The following ACSL1 variants were observed in gnomAD, a reference collection of about 807,000 sequenced individuals.
The protein encoded by ACSL1 is long-chain-fatty-acid--CoA ligase 1.
Under a neutral mutation model 98.4 loss-of-function variants are expected in ACSL1, and 41 were observed. That is an observed-to-expected ratio of 0.42 (90% confidence interval 0.32 to 0.54). ACSL1 has a LOEUF of 0.54. Ranked by LOEUF, ACSL1 falls within the 20% of genes least tolerant of loss-of-function variation. The pLI is 0.13. For synonymous variants in ACSL1, 316 were observed against 322.7 expected (o/e 0.98, Z 0.22); for missense variants, 734 against 883.1 (o/e 0.83, Z 2.14).
intron 2 of ACSL1, among the ~76,000 whole-genome samples, chr4:184,797,626 C>T (rs1769664775): frequency 1.3e-5 from 2 of 152,194 alleles, no homozygotes. Context: ...GATATGTTGC[C>T]TTTAGTTTGC....
upstream of ACSL1, chr4:184,826,035 G>C (rs1399139800): frequency 6.8e-6 from 1 of 147,086 alleles, no homozygotes; most frequent in East Asian, 2.0e-4. Context: ...CGCTGGTTGC[G>C]CCCCCGCCAC....
chr4:184,772,357 T>A (rs566885571), intron 10 of ACSL1, among the ~76,000 whole-genome samples: 1 of 152,284 alleles, frequency 6.6e-6, no homozygotes, highest in South Asian at 2.1e-4. Context: ...GCTACAAAAA[T>A]CAGAGCTACA....
intron 4 of ACSL1, 51 bp downstream of exon 4, chr4:184,783,876 G>A (rs752453111): frequency 1.3e-6 from 2 of 1,521,360 alleles, no homozygotes; most frequent in Non-Finnish European, 1.8e-6. Context: ...ACATACAGAA[G>A]CACCCCTGCT....
chr4:184,808,293 T>A (rs1211779809), intron 1 of ACSL1: 1 of 985,060 alleles, frequency 1.0e-6, no homozygotes. Flanking sequence ...TTTACTTACA[T>A]TAACATTGTA....
At chr4:184,778,344 T>A (rs1198142016) in intron 5 of ACSL1, among the ~76,000 whole-genome samples, 1 of 152,196 alleles carries the variant, frequency 6.6e-6, no homozygotes, top group African/African-American at 2.4e-5. Flanking sequence ...TTCGGTTTTT[T>A]CCCAGAAGGA....
Position 184,756,989 on chromosome 4 carries a change from G to T in ACSL1, c.*136C>A. The T allele has an allele frequency of 8.9e-7, 1 of 1,122,482 alleles. No individual in the cohort carries two copies. Among genetic ancestry groups the T allele is most frequent in the Non-Finnish European group, 1.2e-6 (1 of 809,004 alleles). The allele number at this position is 1,122,482 out of a possible 1,614,324, so 69.5% of individuals were successfully genotyped here. A position where few individuals can be genotyped will look rare whatever the true frequency, so the allele number is the denominator to read the frequency against. On this transcript the variant is annotated 3_prime_UTR_variant, in exon 21 of 21. Coordinates refer to ENST00000281455, the MANE Select transcript of ACSL1 (RefSeq NM_001995.5). ...CTTTCCTCTAGCATTCCTATGAGAA[G>T]AACCCCGAATGGACAAGTCAAACAC... is the stretch of plus-strand genomic sequence containing the variant.
chr4:184,813,944 C>G (rs1258826792), intron 1 of ACSL1: 1 of 446,912 alleles, frequency 2.2e-6, no homozygotes, highest in South Asian at 1.6e-5. Context: ...GGTGCTCTGC[C>G]CAAAGTCAGG....
chr4:184,759,065 A>G (rs1762518070), intron 18 of ACSL1, among the ~76,000 whole-genome samples: 1 of 152,228 alleles, frequency 6.6e-6, no homozygotes, highest in Non-Finnish European at 1.5e-5. Flanking sequence ...ATGTCCCTGC[A>G]AAGGACATGA....
chr4:184,812,324 GT>G, intron 1 of ACSL1: 11 of 674,724 alleles, frequency 1.6e-5, no homozygotes, highest in Non-Finnish European at 2.0e-5. Context: ...GATTCTGACC[GT>G]GTCAGACCCT....
chr4:184,791,511 C>T (rs183305310), intron 2 of ACSL1, among the ~76,000 whole-genome samples: 2 of 152,324 alleles, frequency 1.3e-5, no homozygotes, highest in East Asian at 3.9e-4. Flanking sequence ...TCTGGGGATG[C>T]GATCCAGCAA....
At position 184,803,377 on chromosome 4, in the gene ACSL1, C is replaced by T. The variant is rs760328426; in HGVS notation, c.138G>A (p.Thr46=). The change falls in exon 2 of 21, where the codon ACG becomes ACA. Residue 46 remains threonine (T), a synonymous_variant. Transcript: ENST00000281455. The surrounding 1 kb of genome is among the most constrained non-coding windows in gnomAD (Gnocchi z 4.8). The stretch of plus-strand genomic sequence containing the variant: ...ATGGCGGCTTCAGGGGTTTGGGTCT[C>T]GTGGCGTACCAGAAGGTGGTGAGTG... ...FAALTTFWYA[T]RPKPLKPPCD... 8.1e-6 allele frequency: 13 copies of T among 1,613,164 alleles called. No individual in the cohort carries two copies. In the East Asian group the frequency reaches 1.6e-4, roughly 19 times the overall value.
In ACSL1 at chr4:184,770,051, T is replaced by C. The variant is rs61241453; in HGVS notation, c.993+348A>G. On this transcript the variant is annotated intron_variant, in intron 11 of 20. Transcript: ENST00000281455. ...ACTGAATTAATAATGACTTTACCTT[T>C]ATAGTTGGTTTTTCTGGACTCATGT... Among the ~76,000 whole-genome samples the C allele has an allele frequency of 4.4e-3, 677 of 152,342 alleles. 6 individuals are homozygous for C. The highest frequency in any genetic ancestry group is 0.016 in the African/African-American group (650 of 41,574).
chr4:184,787,601 C>T lies in ACSL1; in HGVS notation c.310+1016G>A, dbSNP rs111891286. On this transcript the variant is annotated intron_variant, in intron 3 of 20. Coordinates refer to ENST00000281455, the MANE Select transcript of ACSL1 (RefSeq NM_001995.5). Reference sequence around the variant, plus strand: ...GTGCATGGCCGGGCATGGTGACTCGCGCCTGTAATTCCAGCACTTTGGGAG... The same window carrying T: ...GTGCATGGCCGGGCATGGTGACTCGTGCCTGTAATTCCAGCACTTTGGGAG... Among the ~76,000 whole-genome samples the T allele has an allele frequency of 8.5e-4, 129 of 152,220 alleles. 1 individual carries two copies. The highest frequency in any genetic ancestry group is 2.9e-3 in the African/African-American group (120 of 41,520).
intron 1 of ACSL1, among the ~76,000 whole-genome samples, chr4:184,819,574 T>C (rs935255337): frequency 1.3e-5 from 2 of 152,114 alleles, no homozygotes; most frequent in Non-Finnish European, 2.9e-5. Flanking sequence ...GTCAGGCAGA[T>C]GACAGCACCC....
chr4:184,758,168 C>T (rs964821898), intron 18 of ACSL1: 1 of 471,822 alleles, frequency 2.1e-6, no homozygotes, highest in African/African-American at 2.0e-5. Context: ...GAATACCAAT[C>T]TAACAAATCT....
intron 11 of ACSL1, among the ~76,000 whole-genome samples, chr4:184,768,940 G>C (rs971475107): frequency 5.3e-5 from 8 of 152,018 alleles, no homozygotes; most frequent in African/African-American, 1.7e-4. Flanking sequence ...TTGGTGGCGG[G>C]TGCCCATAGT....
At chr4:184,815,011 C>G (rs115116611) in intron 1 of ACSL1, 248 of 456,110 alleles carry the variant, frequency 5.4e-4, no homozygotes, top group African/African-American at 4.5e-3. Context: ...GTTTTCTTTG[C>G]CTTCAGCAAG....
At position 184,773,683 on chromosome 4, in the gene ACSL1, C is replaced by G; in HGVS notation, c.821G>C (p.Cys274Ser). The G allele has an allele frequency of 6.2e-7, 1 of 1,603,538 alleles. No homozygotes were observed. The highest frequency in any genetic ancestry group is 8.5e-7 in the Non-Finnish European group (1 of 1,176,146). ...CTCACCTGTAGTTCCACTTGTGAAA[C>G]AAATTACTGCAAGATCTTCAGGTGC... ...PPAPEDLAVI[C>S]FTSGTTGNPK... Residue 274 changes from cysteine (C) to serine (S), a missense_variant, in exon 9 of 21, where the codon TGT becomes TCT. Transcript: ENST00000281455. The surrounding 1 kb of genome is among the most constrained non-coding windows in gnomAD (Gnocchi z 4.3).
intron 1 of ACSL1, among the ~76,000 whole-genome samples, chr4:184,818,267 A>G (rs948907676): frequency 3.3e-5 from 5 of 152,190 alleles, no homozygotes; most frequent in African/African-American, 9.6e-5. Context: ...AATACCAGGT[A>G]AAGGAAGACT....
Sources: gnomAD v4.1 joint callset for allele counts (sites outside exome capture counted in the v4.1 genomes callset) on GRCh38, gnomAD v4.1.1 for gene constraint, Gnocchi (gnomAD v3.1) non-coding constraint, MANE v1.5 for transcripts, NCBI Gene and HGNC (gene_info 2026-07-23, HGNC 2026-07-21) for gene names.